Variants in ZC3H12B observed in about 807,000 individuals in gnomAD.
The protein encoded by ZC3H12B is zinc finger CCCH-type containing 12B, also known as probable ribonuclease ZC3H12B.
Under a neutral mutation model 43.9 loss-of-function variants are expected in ZC3H12B, and 7 were observed. That is an observed-to-expected ratio of 0.16 (90% confidence interval 0.09 to 0.30). ZC3H12B has a LOEUF of 0.30. Among genes scored for constraint, ZC3H12B ranks in the 10% least tolerant of loss-of-function variants. The pLI, the probability that ZC3H12B is intolerant of heterozygous loss-of-function variation, is 1.00. For synonymous variants in ZC3H12B, 222 were observed against 241.7 expected, an observed-to-expected ratio of 0.92 and a Z score of 0.76; for missense variants, 475 against 670.2, an observed-to-expected ratio of 0.71 and a Z score of 3.22.
chrX:65,151,458 G>C, the ZC3H12B span, among the ~76,000 whole-genome samples: 3 of 111,837 alleles, frequency 2.7e-5, no homozygotes, highest in Admixed American at 2.9e-4. Flanking sequence ...TCATCAAATT[G>C]TGTTGTACCC....
chrX:65,491,457 G>A (rs986201606), intron 1 of ZC3H12B, among the ~76,000 whole-genome samples: 12 of 110,943 alleles, frequency 1.1e-4, no homozygotes, highest in African/African-American at 3.6e-4. Flanking sequence ...CTATAATCCC[G>A]ACACATTGGG....
At chrX:65,312,153 A>C in the ZC3H12B span, among the ~76,000 whole-genome samples, 1 of 112,166 alleles carries the variant, frequency 8.9e-6, no homozygotes, top group African/African-American at 3.2e-5. Context: ...TAAAAAAAGA[A>C]AAGTAACTAA....
intron 2 of ZC3H12B, among the ~76,000 whole-genome samples, chrX:65,385,981 C>T (rs2066518807): frequency 8.9e-6 from 1 of 112,109 alleles, no homozygotes; most frequent in Admixed American, 9.4e-5. Context: ...AGTCTTGCAT[C>T]CCAGGGATGA....
chrX:65,321,264 G>A, the ZC3H12B span, among the ~76,000 whole-genome samples: 4 of 111,327 alleles, frequency 3.6e-5, no homozygotes, highest in Non-Finnish European at 7.6e-5. Context: ...AAGAAAGAAA[G>A]ACACACATTC....
chrX:65,333,294 T>A, the ZC3H12B span, among the ~76,000 whole-genome samples: 1 of 111,992 alleles, frequency 8.9e-6, no homozygotes, highest in Non-Finnish European at 1.9e-5. Flanking sequence ...ATAACCAGTT[T>A]CTCCAACTGT....
At chrX:65,402,176 G>A (rs1479845966) in intron 3 of ZC3H12B, among the ~76,000 whole-genome samples, 1 of 111,763 alleles carries the variant, frequency 8.9e-6, no homozygotes, top group African/African-American at 3.3e-5. Flanking sequence ...TAGTAGTCTG[G>A]CAGAACTCCT....
At chrX:65,235,725 C>T in the ZC3H12B span, among the ~76,000 whole-genome samples, 3 of 111,887 alleles carry the variant, frequency 2.7e-5, no homozygotes, top group Non-Finnish European at 5.6e-5. Flanking sequence ...CCAGCAATCA[C>T]GGTGCTTCAA....
intron 3 of ZC3H12B, among the ~76,000 whole-genome samples, chrX:65,400,670 T>A (rs2066752124): frequency 8.9e-6 from 1 of 111,879 alleles, no homozygotes; most frequent in African/African-American, 3.2e-5. Context: ...GTTACTGAAT[T>A]ATACTCCTAA....
the ZC3H12B span, among the ~76,000 whole-genome samples, chrX:65,170,073 A>G: frequency 2.7e-5 from 3 of 111,955 alleles, no homozygotes; most frequent in Non-Finnish European, 5.6e-5. Context: ...TGATCCTGTC[A>G]TTATGATGTT....
chrX:65,359,347 G>A, the ZC3H12B span, among the ~76,000 whole-genome samples: 15,470 of 111,300 alleles, frequency 0.14, 2,585 homozygotes, highest in African/African-American at 0.47. Flanking sequence ...CATTTCATAA[G>A]GCTATGGTTG....
At chrX:65,053,618 T>C in the ZC3H12B span, among the ~76,000 whole-genome samples, 65 of 111,826 alleles carry the variant, frequency 5.8e-4, no homozygotes, top group African/African-American at 1.9e-3. Flanking sequence ...TCTGGGTATA[T>C]ACCCAGTAAT....
chrX:65,375,642 C>T (rs995573920), intron 2 of ZC3H12B, among the ~76,000 whole-genome samples: 1 of 111,234 alleles, frequency 9.0e-6, no homozygotes, highest in African/African-American at 3.3e-5. Context: ...GTTTTGAGTC[C>T]CCCATTGTAG....
At chrX:65,187,003 G>T in the ZC3H12B span, 1 of 111,892 alleles carries the variant, frequency 8.9e-6, no homozygotes, top group Admixed American at 9.6e-5. Flanking sequence ...GTGTGTGCAA[G>T]TATCTTTTTC....
At chrX:65,116,153 G>T in the ZC3H12B span, among the ~76,000 whole-genome samples, 1 of 111,533 alleles carries the variant, frequency 9.0e-6, no homozygotes, top group Non-Finnish European at 1.9e-5. Flanking sequence ...TTTTTCTGAT[G>T]TTATATTCTA....
the ZC3H12B span, among the ~76,000 whole-genome samples, chrX:65,301,854 A>G: frequency 8.9e-6 from 1 of 111,755 alleles, no homozygotes; most frequent in African/African-American, 3.3e-5. Context: ...ACCTATTGAA[A>G]TAACAAATGT....
chrX:65,343,361 A>G, the ZC3H12B span, among the ~76,000 whole-genome samples: 1 of 111,902 alleles, frequency 8.9e-6, no homozygotes, highest in African/African-American at 3.2e-5. Flanking sequence ...AAACCTGTCA[A>G]AGATACAGCA....
chrX:65,471,831 G>A (rs576294209), intron 3 of ZC3H12B, among the ~76,000 whole-genome samples: 24 of 111,385 alleles, frequency 2.2e-4, no homozygotes, highest in East Asian at 1.7e-3. Flanking sequence ...TGTGAATATC[G>A]AAATGTGAGG....
At chrX:65,135,886 GTTC>G in the ZC3H12B span, among the ~76,000 whole-genome samples, 1 of 108,539 alleles carries the variant, frequency 9.2e-6, no homozygotes, top group East Asian at 2.9e-4. Flanking sequence ...TCTCCATTTG[GTTC>G]TTCATTATAT....
intron 3 of ZC3H12B, among the ~76,000 whole-genome samples, chrX:65,448,435 A>T (rs971283624): frequency 8.9e-6 from 1 of 112,073 alleles, no homozygotes; most frequent in Admixed American, 9.5e-5. Context: ...ATCAAAAAGA[A>T]ACCTGCACGT....
Sources: gnomAD v4.1 joint callset for allele counts (sites outside exome capture counted in the v4.1 genomes callset) on GRCh38, gnomAD v4.1.1 for gene constraint, MANE v1.5 for transcripts, NCBI Gene and HGNC (gene_info 2026-07-23, HGNC 2026-07-21) for gene names.